TTC7B: variants seen among roughly 807,000 people sequenced by gnomAD.
TTC7B encodes the protein tetratricopeptide repeat domain 7B, also known as tetratricopeptide repeat protein 7B.
Under a neutral mutation model 106.8 loss-of-function variants are expected in TTC7B, and 28 were observed. The observed-to-expected ratio is 0.26, with a 90% CI of 0.19 to 0.36. The LOEUF (loss-of-function observed/expected upper bound fraction) is 0.36. Among genes scored for constraint, TTC7B ranks in the 10% least tolerant of loss-of-function variants. The probability of loss-of-function intolerance (pLI) is 1.00; values close to 1 mark genes in which losing one functional copy is unlikely to be tolerated. For synonymous variants in TTC7B, 405 were observed against 430.6 expected (o/e 0.94, Z 0.74); for missense variants, 862 against 1,076.4 (o/e 0.80, Z 2.79).
intron 7 of TTC7B, among the ~76,000 whole-genome samples, chr14:90,686,197 T>C (rs1412575174): frequency 6.6e-6 from 1 of 152,220 alleles, no homozygotes; most frequent in African/African-American, 2.4e-5. Context: ...AATTAATGTA[T>C]ACACCACAGC....
chr14:90,756,273 G>T (rs1345847977), intron 3 of TTC7B, among the ~76,000 whole-genome samples: 1 of 152,110 alleles, frequency 6.6e-6, no homozygotes, highest in Non-Finnish European at 1.5e-5. Flanking sequence ...TGGGCTAGGG[G>T]TGGGCTTCAC....
chr14:90,552,325 G>C (rs2046481012), intron 19 of TTC7B, among the ~76,000 whole-genome samples: 1 of 152,224 alleles, frequency 6.6e-6, no homozygotes, highest in Non-Finnish European at 1.5e-5. Context: ...CACAAGTTCT[G>C]GGCAGGGGCA....
intron 15 of TTC7B, among the ~76,000 whole-genome samples, chr14:90,622,745 A>G (rs1005116090): frequency 7.2e-5 from 11 of 151,976 alleles, no homozygotes; most frequent in African/African-American, 1.9e-4. Context: ...CTTCCCCCCA[A>G]AAGAATTATT....
chr14:90,550,815 T>TGGAGGGATGGA (rs1291984053), intron 19 of TTC7B, among the ~76,000 whole-genome samples: 1 of 152,032 alleles, frequency 6.6e-6, no homozygotes, highest in Middle Eastern at 3.2e-3. Context: ...GCTGGATAGA[T>TGGAGGGATGGA]GGAGGGATGG....
At chr14:90,690,690 G>C (rs1687317550) in intron 6 of TTC7B, among the ~76,000 whole-genome samples, 1 of 152,182 alleles carries the variant, frequency 6.6e-6, no homozygotes, top group South Asian at 2.1e-4. Context: ...TCATAAACCA[G>C]CATGGTTTTC....
intron 15 of TTC7B, among the ~76,000 whole-genome samples, chr14:90,636,579 A>C (rs1303369985): frequency 2.0e-5 from 3 of 152,090 alleles, no homozygotes; most frequent in East Asian, 3.8e-4. Context: ...AACATATAAA[A>C]ATTTCCTCAA....
chr14:90,597,617 C>T (rs1024769883), intron 17 of TTC7B, among the ~76,000 whole-genome samples: 2 of 151,764 alleles, frequency 1.3e-5, no homozygotes, highest in African/African-American at 4.8e-5. Context: ...GAGACTGCGC[C>T]ATTGCACTCC....
At chr14:90,556,371 G>A (rs1488070348) in intron 19 of TTC7B, among the ~76,000 whole-genome samples, 1 of 152,118 alleles carries the variant, frequency 6.6e-6, no homozygotes, top group Non-Finnish European at 1.5e-5. Context: ...GAGGCTGGCT[G>A]GAACGTGGCG....
chr14:90,798,300 A>G (rs561959007), intron 1 of TTC7B, among the ~76,000 whole-genome samples: 50 of 152,224 alleles, frequency 3.3e-4, no homozygotes, highest in Admixed American at 5.2e-4. Flanking sequence ...TGGCAAGCCC[A>G]GAATCATGAG....
rs1326412652 is a variant in TTC7B at position 90,689,756 on chromosome 14, G to C, written c.778-44C>G. ...AAAAGCATAGCCATGAATCTATCTT[G>C]TATTAGTCATTCATTCAGTCAGTCA... is the stretch of plus-strand genomic sequence containing the variant. On this transcript the variant is annotated intron_variant, in intron 6 of 19. Coordinates refer to ENST00000328459, the MANE Select transcript of TTC7B (RefSeq NM_001010854.2). 5 of 1,588,920 alleles carry C rather than the reference G, an allele frequency of 3.1e-6. No individual in the cohort carries two copies. The African/African-American group carries it at 6.7e-5, about 21-fold the overall frequency.
chr14:90,780,499 C>A (rs1891182823), intron 3 of TTC7B, among the ~76,000 whole-genome samples: 1 of 120,970 alleles, frequency 8.3e-6, no homozygotes, highest in African/African-American at 4.2e-5. Flanking sequence ...AGGAAAGAAA[C>A]TTTGCTGAAA....
chr14:90,784,312 C>G (rs111462837), intron 2 of TTC7B, among the ~76,000 whole-genome samples: 201 of 152,332 alleles, frequency 1.3e-3, no homozygotes, highest in Non-Finnish European at 2.2e-3. Context: ...AATCCCAGCA[C>G]TTTGGGAGGC....
chr14:90,644,052 A>G lies in TTC7B; in HGVS notation c.1747T>C (p.Phe583Leu). The G allele has an allele frequency of 1.2e-6, 2 of 1,614,018 alleles. No homozygotes were observed. Among genetic ancestry groups the G allele is most frequent in the South Asian group, 2.2e-5 (2 of 91,072 alleles). ...DMALSEYPEN[F>L]ILLFSKVKLQ... is the part of the protein sequence containing the mutation. Reference sequence around the variant, plus strand: ...CCAAAGCCCAGGATCACTTACATGAAATTTTCTGGGTATTCACTCAGGGCC... The same window carrying G: ...CCAAAGCCCAGGATCACTTACATGAGATTTTCTGGGTATTCACTCAGGGCC... Residue 583 changes from phenylalanine to leucine, a missense_variant, in exon 15 of 20, where the codon TTC becomes CTC. Phe to Leu is a conservative substitution (Grantham distance 22). Transcript: ENST00000328459.
intron 16 of TTC7B, among the ~76,000 whole-genome samples, chr14:90,613,682 A>G (rs569456357): frequency 6.6e-6 from 1 of 152,236 alleles, no homozygotes; most frequent in South Asian, 2.1e-4. Context: ...TTTCCTCCTC[A>G]TAGCCCAGTC....
At chr14:90,618,144 A>G in intron 15 of TTC7B, 99 bp from the exon 16 acceptor site, 1 of 822,904 alleles carries the variant, frequency 1.2e-6, no homozygotes, top group Non-Finnish European at 2.0e-6. Context: ...AAGCAGCTGT[A>G]CTCATTTCAG....
chr14:90,537,371 G>GA lies in TTC7B; in HGVS notation c.*3996dup. ...CTGGCTATTTTTTTTTTTTTGTAGAGATGGGGGGGGGGTCTCACCATGTTG... is the reference window on the plus strand; with the variant it reads ...CTGGCTATTTTTTTTTTTTTGTAGAGAATGGGGGGGGGGTCTCACCATGTTG... On this transcript the variant is annotated 3_prime_UTR_variant, in exon 20 of 20. Coordinates refer to ENST00000328459, the MANE Select transcript of TTC7B (RefSeq NM_001010854.2). The GA allele has an allele frequency of 2.2e-5, 1 of 44,924 alleles. No individual in the cohort carries two copies. The highest frequency in any genetic ancestry group is 4.9e-5 in the Non-Finnish European group (1 of 20,364). 2.8% of individuals were successfully genotyped at this position (44,924 alleles called of 1,614,324 possible).
chr14:90,758,791 C>T (rs1890406012), intron 3 of TTC7B, among the ~76,000 whole-genome samples: 1 of 152,188 alleles, frequency 6.6e-6, no homozygotes, highest in Non-Finnish European at 1.5e-5. Context: ...AGCCCCTCCC[C>T]AAATGACCTG....
At chr14:90,551,362 T>C (rs1890073443) in intron 19 of TTC7B, among the ~76,000 whole-genome samples, 3 of 152,134 alleles carry the variant, frequency 2.0e-5, no homozygotes, top group Non-Finnish European at 4.4e-5. Context: ...ATGTCCATGG[T>C]AGACCAGGCT....
chr14:90,659,914 C>T (rs987601372), intron 9 of TTC7B, among the ~76,000 whole-genome samples: 19 of 152,050 alleles, frequency 1.2e-4, no homozygotes, highest in African/African-American at 4.6e-4. Context: ...CTAGAGAGAG[C>T]CAGGTCCCCG....
Sources: allele counts gnomAD v4.1 joint callset (sites outside exome capture counted in the v4.1 genomes callset), GRCh38; gene constraint gnomAD v4.1.1; transcripts MANE v1.5; gene names NCBI Gene and HGNC (gene_info 2026-07-23, HGNC 2026-07-21).